Variants in DST observed in about 807,000 individuals in gnomAD.
DST encodes dystonin.
Under a neutral mutation model 875.2 loss-of-function variants are expected in DST, and 253 were observed. The observed-to-expected ratio is 0.29, with a 90% CI of 0.26 to 0.32. The LOEUF (loss-of-function observed/expected upper bound fraction) is 0.32. Ranked by LOEUF, DST falls within the 10% of genes least tolerant of loss-of-function variation. The pLI is 1.00. For missense variants in DST, 8,287 were observed against 9,111.6 expected, an observed-to-expected ratio of 0.91 and a Z score of 3.68; for synonymous variants, 3,124 against 3,197.1, an observed-to-expected ratio of 0.98 and a Z score of 0.77.
chr6:56,587,767 AAAG>A (rs1318437169), intron 49 of DST, among the ~76,000 whole-genome samples: 2 of 152,124 alleles, frequency 1.3e-5, no homozygotes, highest in Non-Finnish European at 2.9e-5. Context: ...CAACATTCTT[AAAG>A]AAAAGAATTT....
rs2096862106 is a variant in DST, at chr6:56,529,689, C to A, written c.17354G>T (p.Arg5785Met). The stretch of plus-strand genomic sequence containing the variant: ...ACTCTGCACCATATCTTTATCCTCC[C>A]TGGAGCTCAAAACCTTTAAGGACTG... ...IGQSLKVLSS[R>M]EDKDMVQSKL... The change falls in exon 66 of 104, where the codon AGG becomes ATG. Residue 5785 changes from arginine to methionine, a missense_variant. Arg to Met is a moderately conservative substitution (Grantham distance 91). Coordinates refer to ENST00000680361, the MANE Select transcript of DST (RefSeq NM_001374736.1). 6.2e-7 allele frequency: 1 copy of A among 1,613,524 alleles called. No individual in the cohort carries two copies. Among genetic ancestry groups the A allele is most frequent in the Non-Finnish European group, 8.5e-7 (1 of 1,179,714 alleles).
Position 56,889,677 on chromosome 6 carries a change from T to G in DST, c.417+10744A>C, listed in dbSNP as rs1230642406. On this transcript the variant is annotated intron_variant, in intron 3 of 103. Coordinates refer to ENST00000680361, the MANE Select transcript of DST (RefSeq NM_001374736.1). ...TGAAATGTAACAGGAGTAGAGTCAG[T>G]ATGTTTGATTATTTCCTGATGCTCT... 2.0e-5 allele frequency among the ~76,000 whole-genome samples: 3 copies of G among 152,164 alleles called. No individual in the cohort carries two copies. The East Asian group carries it at 5.8e-4, about 29-fold the overall frequency.
rs2099736894 is a variant in DST, at chr6:56,794,833, GA to G, written c.625+56563del. Among the ~76,000 whole-genome samples the G allele has an allele frequency of 2.6e-5, 4 of 152,096 alleles. 1 individual carries two copies. The South Asian group carries it at 8.3e-4, about 32-fold the overall frequency. The stretch of plus-strand genomic sequence containing the variant: ...CAAATCAGCTTCCAAAAGTGGAGTT[GA>G]AAAGAGTACTCTCTAAGGAATATGA... On this transcript the variant is annotated intron_variant, in intron 4 of 103. Coordinates refer to ENST00000680361, the MANE Select transcript of DST (RefSeq NM_001374736.1).
chr6:56,731,205 T>C (rs780486633), intron 5 of DST, among the ~76,000 whole-genome samples: 7 of 152,156 alleles, frequency 4.6e-5, no homozygotes, highest in Admixed American at 1.3e-4. Flanking sequence ...TTTAGTGTTA[T>C]CTGCTGGACT....
At chr6:56,501,487 T>C (rs77434452) in intron 79 of DST, 33 bp downstream of exon 79, 3 of 1,419,596 alleles carry the variant, frequency 2.1e-6, no homozygotes, top group Admixed American at 5.8e-5. Context: ...AATTGAAAAT[T>C]TATAATTTCT....
At chr6:56,815,894 G>A (rs975526513) in intron 4 of DST, among the ~76,000 whole-genome samples, 2 of 151,996 alleles carry the variant, frequency 1.3e-5, no homozygotes, top group Admixed American at 6.6e-5. Context: ...CATCTAAATA[G>A]ACATAAGGCA....
At position 56,536,764 on chromosome 6, in the gene DST, G is replaced by A. The variant is rs780607125; in HGVS notation, c.16770+15C>T. 1.3e-6 allele frequency: 2 copies of A among 1,516,038 alleles called. No homozygotes were observed. The highest frequency in any genetic ancestry group is 1.4e-5 in the South Asian group (1 of 72,082). 93.9% of individuals were successfully genotyped at this position (1,516,038 alleles called of 1,614,324 possible). ...ATAATCAGCAAAATAGCAATGAAGG[G>A]GGTGAGAAAATTACCTTCTTATTGA... On this transcript the variant is annotated intron_variant, in intron 62 of 103. Coordinates refer to ENST00000680361, the MANE Select transcript of DST (RefSeq NM_001374736.1).
rs2099389968 is a variant in DST at position 56,714,993 on chromosome 6, G to GA, written c.688-10625_688-10624insT. Among the ~76,000 whole-genome samples the GA allele has an allele frequency of 6.6e-6, 1 of 152,134 alleles. No individual in the cohort carries two copies. Among genetic ancestry groups the GA allele is most frequent in the Non-Finnish European group, 1.5e-5 (1 of 68,022 alleles). The stretch of plus-strand genomic sequence containing the variant: ...TTAATAATTTCCTTAAGAAGAAAGG[G>GA]CCCTGTCTTTGGTCCTCACTGCAAA... On this transcript the variant is annotated intron_variant, in intron 5 of 103. Coordinates refer to ENST00000680361, the MANE Select transcript of DST (RefSeq NM_001374736.1). This position sits in a 1 kb window ranked among gnomAD's most constrained non-coding sequence, Gnocchi z 4.5.
Position 56,627,988 on chromosome 6 carries a change from T to A in DST, c.4638+11A>T. 1 of 1,613,210 alleles carries A rather than the reference T, an allele frequency of 6.2e-7. No homozygotes were observed. Among genetic ancestry groups the A allele is most frequent in the East Asian group, 2.2e-5 (1 of 44,868 alleles). On this transcript the variant is annotated intron_variant, in intron 33 of 103. Coordinates refer to ENST00000680361, the MANE Select transcript of DST (RefSeq NM_001374736.1). ...GACATAACCTCAGTAGAGGGAATTATTTTTACATACCTTCTGTTGATTCAA... is the reference window on the plus strand; with the variant it reads ...GACATAACCTCAGTAGAGGGAATTAATTTTACATACCTTCTGTTGATTCAA...
At position 56,472,200 on chromosome 6, in the gene DST, G is replaced by C; in HGVS notation, c.22017C>G (p.Ser7339Arg). ...GTGTCTGTGACCCAGAGGGATACAA[G>C]CTTGATGCTGGAAAGCGTTTTCCTG... The part of the protein sequence containing the change: ...RAGRKRFPAS[S>R]LYPSGSQTQI... Residue 7339 changes from serine (S) to arginine (R), a missense_variant, in exon 94 of 104, where the codon AGC (serine) becomes AGG (arginine). By Grantham distance (110) the Ser-to-Arg change is moderately radical. Coordinates refer to ENST00000680361, the MANE Select transcript of DST (RefSeq NM_001374736.1). The C allele has an allele frequency of 6.2e-7, 1 of 1,613,840 alleles. No individual in the cohort carries two copies. Among genetic ancestry groups the C allele is most frequent in the South Asian group, 1.1e-5 (1 of 91,068 alleles).
intron 2 of DST, among the ~76,000 whole-genome samples, chr6:56,919,347 A>C (rs1460145939): frequency 1.3e-5 from 2 of 152,182 alleles, no homozygotes; most frequent in African/African-American, 2.4e-5. Context: ...TCTGGAATTA[A>C]TCATATGTAC....
chr6:56,794,425 T>A (rs903610481), intron 4 of DST, among the ~76,000 whole-genome samples: 1 of 152,106 alleles, frequency 6.6e-6, no homozygotes, highest in Non-Finnish European at 1.5e-5. Flanking sequence ...GAAAAGGAGT[T>A]GAGAAGAACA....
At position 56,473,545 on chromosome 6, in the gene DST, T is replaced by C. The variant is rs1028604589; in HGVS notation, c.21994+328A>G. Among the ~76,000 whole-genome samples, 5 of 152,134 alleles carry C rather than the reference T, an allele frequency of 3.3e-5. No individual in the cohort carries two copies. The South Asian group carries it at 1.0e-3, about 32-fold the overall frequency. ...ATTTTTGTTATGTTCAGCTTTAATG[T>C]TATATATATAATGGAAGACAAATGA... On this transcript the variant is annotated intron_variant, in intron 93 of 103. Transcript: ENST00000680361.
chr6:56,842,853 G>C (rs1267357280), intron 4 of DST, among the ~76,000 whole-genome samples: 1 of 152,082 alleles, frequency 6.6e-6, no homozygotes, highest in Non-Finnish European at 1.5e-5. Context: ...ATCTAAGGGC[G>C]TCTCCGGACT....
intron 3 of DST, among the ~76,000 whole-genome samples, chr6:56,894,137 G>A (rs1471096867): frequency 4.3e-5 from 1 of 23,214 alleles, no homozygotes; most frequent in East Asian, 1.1e-3. Flanking sequence ...CGGGGTCGTG[G>A]CCGGGCAGAG....
chr6:56,616,606 G>A, intron 36 of DST: 1 of 1,614,148 alleles, frequency 6.2e-7, no homozygotes, highest in Admixed American at 1.7e-5. Flanking sequence ...CTCTTGTGTT[G>A]CTGGATGGCT....
intron 4 of DST, among the ~76,000 whole-genome samples, chr6:56,779,066 G>A (rs2099686133): frequency 6.6e-6 from 1 of 152,012 alleles, no homozygotes; most frequent in African/African-American, 2.4e-5. Flanking sequence ...ACTTTTTAAT[G>A]ATCACCATTC....
chr6:56,732,849 T>C (rs1483866958), intron 5 of DST, among the ~76,000 whole-genome samples: 2 of 152,234 alleles, frequency 1.3e-5, no homozygotes, highest in East Asian at 1.9e-4. Context: ...AGTCAAACAC[T>C]GGACACAGCG....
At chr6:56,611,071 T>C (rs1490174671) in intron 38 of DST, among the ~76,000 whole-genome samples, 1 of 152,122 alleles carries the variant, frequency 6.6e-6, no homozygotes, top group Non-Finnish European at 1.5e-5. Flanking sequence ...AAACACTGAC[T>C]GAAATATATA....
Sources: gnomAD v4.1 joint callset for allele counts (sites outside exome capture counted in the v4.1 genomes callset) on GRCh38, gnomAD v4.1.1 for gene constraint, Gnocchi (gnomAD v3.1) non-coding constraint, MANE v1.5 for transcripts, NCBI Gene and HGNC (gene_info 2026-07-23, HGNC 2026-07-21) for gene names.